Variants in TLR3 observed in about 807,000 individuals in gnomAD.
TLR3 encodes the protein toll-like receptor 3.
A neutral mutation model predicts 66.4 loss-of-function variants in TLR3; 43 were observed. The observed-to-expected ratio is 0.65, with a 90% CI of 0.51 to 0.83. TLR3 has a LOEUF of 0.83. TLR3 is among the 40% of genes least tolerant of loss of function. The pLI, the probability that TLR3 is intolerant of heterozygous loss-of-function variation, is 0.00. For synonymous variants in TLR3, 397 were observed against 397.2 expected (o/e 1.00, Z 0.01); for missense variants, 982 against 1,044.6 (o/e 0.94, Z 0.83).
In TLR3 at chr4:186,087,907, C is replaced by A. The variant is rs1025752967; in HGVS notation, c.*3034C>A. 3 of 152,046 alleles carry A rather than the reference C, an allele frequency of 2.0e-5. No homozygotes were observed. The highest frequency in any genetic ancestry group is 7.2e-5 in the African/African-American group (3 of 41,382). The allele number at this position is 152,046 out of a possible 1,614,324, so 9.4% of individuals were successfully genotyped here. On this transcript the variant is annotated 3_prime_UTR_variant, in exon 5 of 5. Coordinates refer to ENST00000296795, the MANE Select transcript of TLR3 (RefSeq NM_003265.3). ...AGTGGCTGCAAATAGGTGGAAGAGA[C>A]CTTTTTTGGGTGATGAAAGTGCTCT... is the stretch of plus-strand genomic sequence containing the variant.
At chr4:186,079,331 C>G (rs2099303017) in intron 3 of TLR3, among the ~76,000 whole-genome samples, 1 of 152,222 alleles carries the variant, frequency 6.6e-6, no homozygotes, top group African/African-American at 2.4e-5. Flanking sequence ...ATAGTGCTCT[C>G]TCACACAAAC....
intron 2 of TLR3, among the ~76,000 whole-genome samples, chr4:186,078,176 A>T (rs756187531): frequency 2.0e-5 from 3 of 152,216 alleles, no homozygotes; most frequent in Non-Finnish European, 4.4e-5. Flanking sequence ...AACAGCGATT[A>T]CATTAGACTT....
chr4:186,084,955 G>A lies in TLR3; in HGVS notation c.*82G>A. 4.5e-6 allele frequency: 5 copies of A among 1,120,378 alleles called. No homozygotes were observed. Among genetic ancestry groups the A allele is most frequent in the South Asian group, 1.4e-5 (1 of 72,468 alleles). The allele number at this position is 1,120,378 out of a possible 1,614,324, so 69.4% of individuals were successfully genotyped here. A position where few individuals can be genotyped will look rare whatever the true frequency, so the allele number is the denominator to read the frequency against. ...TGGCAAATTTAAGTTTTCCATAAAGGTGTTATAATTTGTTTATTCATATTT... is the reference window on the plus strand; with the variant it reads ...TGGCAAATTTAAGTTTTCCATAAAGATGTTATAATTTGTTTATTCATATTT... On this transcript the variant is annotated 3_prime_UTR_variant, in exon 5 of 5. Coordinates refer to ENST00000296795, the MANE Select transcript of TLR3 (RefSeq NM_003265.3).
intron 1 of TLR3, 61 bp from the exon 2 acceptor site, chr4:186,076,552 T>C: frequency 6.8e-7 from 1 of 1,473,602 alleles, no homozygotes; most frequent in Non-Finnish European, 9.5e-7. Flanking sequence ...AATATACCAA[T>C]GCATTTGAAA....
chr4:186,076,749 C>T lies in TLR3; in HGVS notation c.130C>T (p.Gln44Ter). The T allele has an allele frequency of 6.2e-7, 1 of 1,614,088 alleles. No individual in the cohort carries two copies. Among genetic ancestry groups the T allele is most frequent in the Non-Finnish European group, 8.5e-7 (1 of 1,180,022 alleles). The change falls in exon 2 of 5, where the codon CAG becomes TAG. Residue 44 changes from glutamine (Q) to a stop codon, truncating the protein, a stop_gained. Coordinates refer to ENST00000296795, the MANE Select transcript of TLR3 (RefSeq NM_003265.3). LOFTEE classifies it high-confidence loss of function. ...VADCSHLKLTQVPDDLPTNIT... is the reference protein window; with the variant it reads ...VADCSHLKLT Reference sequence around the variant, plus strand: ...TGACTGCAGCCACCTGAAGTTGACTCAGGTACCCGATGATCTACCCACAAA... The same window carrying T: ...TGACTGCAGCCACCTGAAGTTGACTTAGGTACCCGATGATCTACCCACAAA...
chr4:186,079,500 C>T (rs1010000739), intron 3 of TLR3, among the ~76,000 whole-genome samples: 44 of 152,104 alleles, frequency 2.9e-4, no homozygotes, highest in African/African-American at 9.7e-4. Context: ...TTCAAATGGG[C>T]GTGATAATGA....
In TLR3 at chr4:186,083,897, AGT is replaced by A; in HGVS notation, c.2212_2213del (p.Val738ThrfsTer17). The A allele has an allele frequency of 1.9e-6, 3 of 1,614,178 alleles. No individual in the cohort carries two copies. The highest frequency in any genetic ancestry group is 2.5e-6 in the Non-Finnish European group (3 of 1,180,028). On this transcript the variant is annotated frameshift_variant, in exon 4 of 5. Coordinates refer to ENST00000296795, the MANE Select transcript of TLR3 (RefSeq NM_003265.3). LOFTEE classifies it high-confidence loss of function. This position sits in a 1 kb window ranked among gnomAD's most constrained non-coding sequence, Gnocchi z 4.0. ...WRISFYWNVSVHRVLGFKEID... is the reference protein window; with the variant it reads ...WRISFYWNVSXHRVLGFKEID... ...GGATATCTTTTTATTGGAATGTTTC[AGT>A]ACATCGAGTTCTTGGTTTCAAAGAA...
intron 1 of TLR3, among the ~76,000 whole-genome samples, chr4:186,072,031 G>C (rs1376435394): frequency 6.6e-6 from 1 of 152,202 alleles, no homozygotes; most frequent in African/African-American, 2.4e-5. Flanking sequence ...GGAGTTGAGT[G>C]GCTTTCCTGA....
At chr4:186,070,190 ACT>A (rs1330137344) in intron 1 of TLR3, among the ~76,000 whole-genome samples, 1 of 151,724 alleles carries the variant, frequency 6.6e-6, no homozygotes, top group Non-Finnish European at 1.5e-5. Context: ...CGTTTTCTTC[ACT>A]CTCATTTCAT....
intron 1 of TLR3, among the ~76,000 whole-genome samples, chr4:186,071,585 T>C (rs2099301481): frequency 6.6e-6 from 1 of 152,334 alleles, no homozygotes; most frequent in East Asian, 1.9e-4. Flanking sequence ...GCATTCCTCA[T>C]GGCCTGTGGA....
At chr4:186,075,968 A>G (rs1163266933) in intron 1 of TLR3, among the ~76,000 whole-genome samples, 4 of 152,220 alleles carry the variant, frequency 2.6e-5, no homozygotes, top group Admixed American at 1.3e-4. Context: ...ATCCTGGCCA[A>G]CATGGTGAAA....
intron 1 of TLR3, among the ~76,000 whole-genome samples, chr4:186,074,442 A>T (rs538180653): frequency 2.6e-5 from 4 of 152,338 alleles, no homozygotes; most frequent in Non-Finnish European, 4.4e-5. Context: ...AAAGGTTACA[A>T]ATGGCACTTC....
In TLR3 at chr4:186,074,842, C is replaced by A. The variant is rs896157458; in HGVS notation, c.-7-1771C>A. On this transcript the variant is annotated intron_variant, in intron 1 of 4. Transcript: ENST00000296795. ...AACGTTTTTGTTAAAAACGAAGACA[C>A]AAACACACACATTAGCCTAGGCCTG... Among the ~76,000 whole-genome samples, 5 of 151,646 alleles carry A rather than the reference C, an allele frequency of 3.3e-5. No homozygotes were observed. In the East Asian group the frequency reaches 9.7e-4, roughly 29 times the overall value.
chr4:186,083,578 G>T lies in TLR3; in HGVS notation c.1892G>T (p.Gly631Val). ...LITSVEKKVF[G>V]PAFRNLTELD... is the part of the protein sequence containing the mutation. ...ACATCCGTTGAGAAGAAGGTTTTCG[G>T]GCCAGCTTTCAGGAACCTGACTGAG... The change falls in exon 4 of 5, where the codon GGG becomes GTG. Residue 631 changes from glycine (G) to valine (V), a missense_variant. By Grantham distance (109) the Gly-to-Val change is moderately radical. Transcript: ENST00000296795. The surrounding 1 kb of genome is among the most constrained non-coding windows in gnomAD (Gnocchi z 4.0). The T allele has an allele frequency of 2.5e-6, 4 of 1,612,848 alleles. No individual in the cohort carries two copies. The highest frequency in any genetic ancestry group is 2.5e-6 in the Non-Finnish European group (3 of 1,179,590).
Position 186,085,318 on chromosome 4 carries a change from G to T in TLR3, c.*445G>T. On this transcript the variant is annotated 3_prime_UTR_variant, in exon 5 of 5. Transcript: ENST00000296795. ...AAATATATACCCATATTTTTAACAA[G>T]TTTAATTACAGTATTTTTTCAATGG... The T allele has an allele frequency of 6.4e-6, 1 of 156,770 alleles. No individual in the cohort carries two copies. The highest frequency in any genetic ancestry group is 1.4e-5 in the Non-Finnish European group (1 of 71,002). The allele number at this position is 156,770 out of a possible 1,614,324, so 9.7% of individuals were successfully genotyped here.
At position 186,085,903 on chromosome 4, in the gene TLR3, C is replaced by G. The variant is rs113814587; in HGVS notation, c.*1030C>G. 1 of 152,068 alleles carries G rather than the reference C, an allele frequency of 6.6e-6. No individual in the cohort carries two copies. Among genetic ancestry groups the G allele is most frequent in the African/African-American group, 2.4e-5 (1 of 41,376 alleles). 9.4% of individuals were successfully genotyped at this position (152,068 alleles called of 1,614,324 possible). A position where few individuals can be genotyped will look rare whatever the true frequency, so the allele number is the denominator to read the frequency against. On this transcript the variant is annotated 3_prime_UTR_variant, in exon 5 of 5. Transcript: ENST00000296795. ...TTTTTGAGACAGAGTCTGGCTCTGT[C>G]GCCCAGGCTGGAGTTCAGTGGTCCA...
In TLR3 at chr4:186,078,918, C is replaced by T; in HGVS notation, c.520C>T (p.Gln174Ter). The change falls in exon 3 of 5, where the codon CAA becomes TAA. Residue 174 changes from glutamine (Q) to a stop codon, truncating the protein, a stop_gained. Transcript: ENST00000296795. LOFTEE classifies it high-confidence loss of function. ...LGTQVQLENL[Q>*]ELLLSNNKIQ... ...AACTCAGGTTCAGCTGGAAAATCTC[C>T]AAGAGCTTCTATTATCAAACAATAA... The T allele has an allele frequency of 6.2e-7, 1 of 1,614,016 alleles. No homozygotes were observed. Among genetic ancestry groups the T allele is most frequent in the Non-Finnish European group, 8.5e-7 (1 of 1,179,962 alleles).
Position 186,076,782 on chromosome 4 carries a change from G to T in TLR3, c.163G>T (p.Val55Leu), listed in dbSNP as rs1222090489. 1 of 1,614,130 alleles carries T rather than the reference G, an allele frequency of 6.2e-7. No individual in the cohort carries two copies. Among genetic ancestry groups the T allele is most frequent in the Admixed American group, 1.7e-5 (1 of 60,004 alleles). ...CGATGATCTACCCACAAACATAACA[G>T]TGTTGAACCTTACCCATAATCAACT... ...VPDDLPTNIT[V>L]LNLTHNQLRR... is the part of the protein sequence containing the mutation. The change falls in exon 2 of 5, where the codon GTG becomes TTG. Residue 55 changes from valine (V) to leucine (L), a missense_variant. This residue lies in a region of TLR3 where 313 missense variants were observed against 319.0 expected (regional missense o/e 0.98). Coordinates refer to ENST00000296795, the MANE Select transcript of TLR3 (RefSeq NM_003265.3).
intron 1 of TLR3, among the ~76,000 whole-genome samples, chr4:186,069,905 C>T (rs1340236645): frequency 6.6e-6 from 1 of 152,178 alleles, no homozygotes; most frequent in East Asian, 1.9e-4. Context: ...CAGATGATTA[C>T]GTGCTGGTAT....
Sources: gnomAD v4.1 joint callset for allele counts (sites outside exome capture counted in the v4.1 genomes callset) on GRCh38, gnomAD v4.1.1 for gene constraint, gnomAD v4.1.1 regional missense constraint, Gnocchi (gnomAD v3.1) non-coding constraint, MANE v1.5 for transcripts, NCBI Gene and HGNC (gene_info 2026-07-23, HGNC 2026-07-21) for gene names.